The following RASA1 variants were observed in gnomAD, a reference collection of about 807,000 sequenced individuals.
The protein encoded by RASA1 is ras GTPase-activating protein 1.
In RASA1, 25 loss-of-function variants were observed where a neutral mutation model predicts 132.2. The ratio of observed to expected loss-of-function variants is 0.19; its 90% CI spans 0.14 to 0.26. The LOEUF is 0.26. Among genes scored for constraint, RASA1 ranks in the 10% least tolerant of loss-of-function variants. The pLI, the probability that RASA1 is intolerant of heterozygous loss-of-function variation, is 1.00. For missense variants in RASA1, 964 were observed against 1,299.2 expected (o/e 0.74, Z 3.97); for synonymous variants, 477 against 449.9 (o/e 1.06, Z -0.76).
intron 15 of RASA1, 22 bp downstream of exon 15, chr5:87,374,938 C>T (rs1561320926): frequency 6.3e-7 from 1 of 1,592,060 alleles, no homozygotes; most frequent in Admixed American, 1.7e-5. Context: ...CAGAAACTTT[C>T]TAAAATAGAA....
intron 13 of RASA1, among the ~76,000 whole-genome samples, chr5:87,373,546 G>A (rs1472437749): frequency 6.6e-6 from 1 of 152,030 alleles, no homozygotes; most frequent in African/African-American, 2.4e-5. Context: ...AGAAAGATGA[G>A]GCTTAGAGGG....
chr5:87,326,633 T>C (rs536894523), intron 1 of RASA1, among the ~76,000 whole-genome samples: 1 of 152,306 alleles, frequency 6.6e-6, no homozygotes, highest in South Asian at 2.1e-4. Context: ...TTAAGCAGTT[T>C]TAAGTCATAG....
intron 22 of RASA1, among the ~76,000 whole-genome samples, 189 bp downstream of exon 22, chr5:87,385,578 C>A (rs960790729): frequency 6.6e-6 from 1 of 151,990 alleles, no homozygotes; most frequent in African/African-American, 2.4e-5. Flanking sequence ...CTTTAAAAAA[C>A]ACAAATTTAG....
intron 4 of RASA1, among the ~76,000 whole-genome samples, chr5:87,335,419 G>GTTTTTTTTTT (rs34986349): frequency 1.2e-4 from 9 of 72,886 alleles, no homozygotes; most frequent in Admixed American, 1.9e-4. Context: ...AAAGAATGAG[G>GTTTTTTTTTT]TTTTTTTTTT....
At chr5:87,273,051 C>T (rs901118018) in intron 1 of RASA1, among the ~76,000 whole-genome samples, 2 of 152,098 alleles carry the variant, frequency 1.3e-5, no homozygotes, top group African/African-American at 4.8e-5. Context: ...GCTTGTTACT[C>T]GAGTGTTCCA....
chr5:87,289,880 A>T (rs995846295), intron 1 of RASA1, among the ~76,000 whole-genome samples: 2 of 152,130 alleles, frequency 1.3e-5, no homozygotes, highest in Non-Finnish European at 1.5e-5. Flanking sequence ...AAGTGCTGGG[A>T]TCACAGGCAT....
intron 1 of RASA1, among the ~76,000 whole-genome samples, chr5:87,327,971 A>G (rs556743575): frequency 1.7e-4 from 25 of 151,304 alleles, no homozygotes; most frequent in African/African-American, 5.8e-4. Flanking sequence ...CGTTTCCCAA[A>G]AAAAAAAAAA....
intron 1 of RASA1, among the ~76,000 whole-genome samples, chr5:87,271,255 CAAAA>C (rs962068217): frequency 6.6e-6 from 1 of 151,418 alleles, no homozygotes; most frequent in African/African-American, 2.4e-5. Context: ...AACAAACAAA[CAAAA>C]AAACAATATT....
At chr5:87,348,420 G>C (rs1372411103) in intron 7 of RASA1, among the ~76,000 whole-genome samples, 2 of 151,906 alleles carry the variant, frequency 1.3e-5, no homozygotes, top group Non-Finnish European at 2.9e-5. Flanking sequence ...TGTATTATGA[G>C]TCACTGCCAA....
rs368416407 is a variant in RASA1, at chr5:87,363,487, T to C, written c.1593T>C (p.His531=). The C allele has an allele frequency of 4.7e-5, 76 of 1,612,114 alleles. No individual in the cohort carries two copies. Among genetic ancestry groups the C allele is most frequent in the Non-Finnish European group, 6.1e-5 (72 of 1,178,584 alleles). ...DLSVCSVYVV[H]DSLFGRPNCF... is the part of the protein sequence containing the mutation. ...GTGTATGTTCTGTCTATGTCGTTCA[T>C]GATAGTCTCTTTGGCAGGTAAGAGA... is the stretch of plus-strand genomic sequence containing the variant. Residue 531 remains histidine (H), a synonymous_variant, in exon 11 of 25, where the codon CAT becomes CAC. Coordinates refer to ENST00000274376, the MANE Select transcript of RASA1 (RefSeq NM_002890.3).
chr5:87,303,255 C>G (rs1462029053), intron 1 of RASA1, among the ~76,000 whole-genome samples: 1 of 152,066 alleles, frequency 6.6e-6, no homozygotes, highest in Non-Finnish European at 1.5e-5. Flanking sequence ...TTCTTCCAGT[C>G]TATCAATTTT....
In RASA1 at chr5:87,331,094, G is replaced by A. The variant is rs140297255; in HGVS notation, c.540-254G>A. 9.3e-5 allele frequency: 86 copies of A among 922,794 alleles called. No homozygotes were observed. In the East Asian group the frequency reaches 2.2e-3, roughly 24 times the overall value. The allele number at this position is 922,794 out of a possible 1,614,324, so 57.2% of individuals were successfully genotyped here. On this transcript the variant is annotated intron_variant, in intron 1 of 24. Coordinates refer to ENST00000274376, the MANE Select transcript of RASA1 (RefSeq NM_002890.3). ...AGGCAATCCTGGAAGTAGGGAGATG[G>A]GTAGAAATGGAAGAGATTTATATAT...
At chr5:87,313,373 C>T (rs1357078796) in intron 1 of RASA1, among the ~76,000 whole-genome samples, 1 of 151,976 alleles carries the variant, frequency 6.6e-6, no homozygotes, top group Non-Finnish European at 1.5e-5. Context: ...GTTTGGAAGC[C>T]GGGCTTTACC....
In RASA1 at chr5:87,302,644, G is replaced by A. The variant is rs369607361; in HGVS notation, c.540-28704G>A. 7.4e-5 allele frequency among the ~76,000 whole-genome samples: 11 copies of A among 149,272 alleles called. No individual in the cohort carries two copies. The East Asian group carries it at 1.8e-3, about 24-fold the overall frequency. On this transcript the variant is annotated intron_variant, in intron 1 of 24. Coordinates refer to ENST00000274376, the MANE Select transcript of RASA1 (RefSeq NM_002890.3). ...TATACTAAAGCATAGTATTCTAAGT[G>A]TTCAACGCAATGAGTTTTAACAAGT...
Position 87,386,910 on chromosome 5 carries a change from A to G in RASA1, c.2925+7A>G, listed in dbSNP as rs1006540734. 2.5e-6 allele frequency: 4 copies of G among 1,607,594 alleles called. No individual in the cohort carries two copies. The highest frequency in any genetic ancestry group is 3.4e-6 in the Non-Finnish European group (4 of 1,175,504). On this transcript the variant is annotated splice_region_variant and intron_variant, in intron 23 of 24. Transcript: ENST00000274376. ...GTTTTTAGATGAACTTGGGGTATGT[A>G]TATAGTTTTCAGGTACTTTTTTTAA...
Position 87,374,143 on chromosome 5 carries a change from A to G in RASA1, c.1777-20A>G, listed in dbSNP as rs1761147174. The G allele has an allele frequency of 7.2e-7, 1 of 1,379,642 alleles. No individual in the cohort carries two copies. Among genetic ancestry groups the G allele is most frequent in the African/African-American group, 1.5e-5 (1 of 66,514 alleles). 85.5% of individuals were successfully genotyped at this position (1,379,642 alleles called of 1,614,324 possible). On this transcript the variant is annotated intron_variant, in intron 13 of 24. Transcript: ENST00000274376. ...TAGAAATCTGGGGTAATATATATATATATATTTTTTTTTTTTTAGGTCAGC... is the reference window on the plus strand; with the variant it reads ...TAGAAATCTGGGGTAATATATATATGTATATTTTTTTTTTTTTAGGTCAGC...
intron 14 of RASA1, 89 bp from the exon 15 acceptor site, chr5:87,374,751 T>C (rs1761204452): frequency 6.5e-7 from 1 of 1,539,572 alleles, no homozygotes; most frequent in Non-Finnish European, 8.8e-7. Context: ...AAAGCAGAAA[T>C]AGGGGGTTTA....
intron 1 of RASA1, among the ~76,000 whole-genome samples, chr5:87,283,815 G>C (rs1050110818): frequency 6.6e-6 from 1 of 152,086 alleles, no homozygotes; most frequent in African/African-American, 2.4e-5. Flanking sequence ...AATTGTTTCA[G>C]TAGGAGAATG....
chr5:87,274,264 A>G (rs538967118), intron 1 of RASA1, among the ~76,000 whole-genome samples: 2 of 152,334 alleles, frequency 1.3e-5, no homozygotes, highest in South Asian at 4.1e-4. Context: ...ACTTTAAGGA[A>G]AAGAAAATAA....
Sources: allele counts gnomAD v4.1 joint callset (sites outside exome capture counted in the v4.1 genomes callset), GRCh38; gene constraint gnomAD v4.1.1; transcripts MANE v1.5; gene names NCBI Gene and HGNC (gene_info 2026-07-23, HGNC 2026-07-21).